The following SNX25 variants were observed in gnomAD, a reference collection of about 807,000 sequenced individuals.
SNX25 encodes the protein sorting nexin 25.
Under a neutral mutation model 113.7 loss-of-function variants are expected in SNX25, and 62 were observed. The observed-to-expected ratio is 0.55, with a 90% confidence interval of 0.44 to 0.67. The LOEUF (loss-of-function observed/expected upper bound fraction) is 0.67. Among genes scored for constraint, SNX25 ranks in the 30% least tolerant of loss-of-function variants. The pLI, the probability that SNX25 is intolerant of heterozygous loss-of-function variation, is 0.00. For synonymous variants in SNX25, 421 were observed against 436.2 expected (o/e 0.97, Z 0.43); for missense variants, 1,014 against 1,161.0 (o/e 0.87, Z 1.84).
At chr4:185,272,586 C>T (rs560238826) in intron 5 of SNX25, among the ~76,000 whole-genome samples, 3 of 151,952 alleles carry the variant, frequency 2.0e-5, no homozygotes, top group South Asian at 2.1e-4. Flanking sequence ...GAGGGGAATC[C>T]GGGCATCAGG....
At chr4:185,204,799 G>A (rs908419981), upstream of SNX25, among the ~76,000 whole-genome samples, 5 of 152,206 alleles carry the variant, frequency 3.3e-5, no homozygotes, top group African/African-American at 1.2e-4. Flanking sequence ...GAGGCAATGA[G>A]CCAAGGAGTG....
chr4:185,239,461 A>AGTG (rs1290168948), intron 1 of SNX25, among the ~76,000 whole-genome samples: 36 of 152,160 alleles, frequency 2.4e-4, no homozygotes, highest in East Asian at 1.2e-3. Flanking sequence ...CCAGCCTGGC[A>AGTG]ACAGAGTGAG....
chr4:185,261,858 T>C (rs1747382993), intron 3 of SNX25, among the ~76,000 whole-genome samples: 1 of 152,218 alleles, frequency 6.6e-6, no homozygotes, highest in Non-Finnish European at 1.5e-5. Flanking sequence ...TCCTGGATTA[T>C]GGATATTTGA....
intron 2 of SNX25, among the ~76,000 whole-genome samples, chr4:185,250,483 T>C (rs1745479175): frequency 6.6e-6 from 1 of 152,232 alleles, no homozygotes; most frequent in African/African-American, 2.4e-5. Context: ...CCCTGGCAAC[T>C]CTTAAATCTG....
At chr4:185,218,612 A>G (rs1011494467) in intron 1 of SNX25, among the ~76,000 whole-genome samples, 11 of 152,250 alleles carry the variant, frequency 7.2e-5, no homozygotes, top group Non-Finnish European at 1.6e-4. Context: ...GAGTAGCCAC[A>G]AGCTGGATGT....
At chr4:185,374,403 T>A (rs1030211514), downstream of SNX25, 1 of 1,614,054 alleles carries the variant, frequency 6.2e-7, no homozygotes, top group African/African-American at 1.3e-5. Context: ...AAATTTTAAG[T>A]GTCTTGCTTT....
At position 185,303,834 on chromosome 4, in the gene SNX25, G is replaced by A. The variant is rs75945783; in HGVS notation, c.1163-6801G>A. ...AATATACTCTCCACTGAAGTGGAGT[G>A]ACACGTTAGACTATGAAATCTCAGG... On this transcript the variant is annotated intron_variant, in intron 6 of 18. Coordinates refer to ENST00000652585, the MANE Select transcript of SNX25 (RefSeq NM_001378034.2). 8.3e-3 allele frequency among the ~76,000 whole-genome samples: 1,261 copies of A among 152,258 alleles called. 12 individuals are homozygous for A. Among genetic ancestry groups the A allele is most frequent in the African/African-American group, 0.028 (1,168 of 41,528 alleles).
chr4:185,215,919 C>G (rs1738741691), intron 1 of SNX25, among the ~76,000 whole-genome samples: 1 of 151,984 alleles, frequency 6.6e-6, no homozygotes, highest in South Asian at 2.1e-4. Flanking sequence ...ACCTCACCCT[C>G]CCGAGTAGCT....
chr4:185,286,741 C>T (rs1159996658), intron 5 of SNX25, among the ~76,000 whole-genome samples: 1 of 152,230 alleles, frequency 6.6e-6, no homozygotes, highest in Non-Finnish European at 1.5e-5. Context: ...CCGGCAGTGT[C>T]TGCCACCATC....
At chr4:185,243,456 T>G (rs1346901297) in intron 1 of SNX25, among the ~76,000 whole-genome samples, 1 of 151,928 alleles carries the variant, frequency 6.6e-6, no homozygotes, top group African/African-American at 2.4e-5. Flanking sequence ...ACAAAAAACT[T>G]AAAACATAGC....
intron 1 of SNX25, among the ~76,000 whole-genome samples, chr4:185,240,295 T>TG (rs1457217474): frequency 1.3e-5 from 2 of 151,654 alleles, no homozygotes; most frequent in African/African-American, 4.9e-5. Context: ...ACCTCCCAGA[T>TG]GGGGTGGTGG....
At chr4:185,314,856 C>CA (rs35230364) in intron 7 of SNX25, among the ~76,000 whole-genome samples, 4,495 of 96,258 alleles carry the variant, frequency 0.047, 190 homozygotes, top group African/African-American at 0.13. Context: ...GACTCTGTCT[C>CA]AAAAAAAAAA....
rs1021857542 is a variant in SNX25, at chr4:185,347,663, G to T, written c.2301+1013G>T. ...TTTTTGTATTTTTAGTAGAGACGGG[G>T]TTTCTCCGTGTTGGTCAGGTTGGTC... On this transcript the variant is annotated intron_variant, in intron 13 of 18. Coordinates refer to ENST00000652585, the MANE Select transcript of SNX25 (RefSeq NM_001378034.2). Among the ~76,000 whole-genome samples, 9 of 152,022 alleles carry T rather than the reference G, an allele frequency of 5.9e-5. 1 individual carries two copies. The highest frequency in any genetic ancestry group is 1.2e-4 in the Non-Finnish European group (8 of 68,012).
intron 6 of SNX25, among the ~76,000 whole-genome samples, chr4:185,292,073 A>G (rs748068891): frequency 2.0e-5 from 3 of 152,142 alleles, no homozygotes; most frequent in African/African-American, 4.8e-5. Context: ...TGGTATCACT[A>G]TTTAGCTTTT....
chr4:185,312,234 AAAAT>A (rs2095036678), intron 7 of SNX25, among the ~76,000 whole-genome samples: 1 of 152,174 alleles, frequency 6.6e-6, no homozygotes, highest in African/African-American at 2.4e-5. Flanking sequence ...ACTAGGATTA[AAAAT>A]AAATAAGATA....
intron 10 of SNX25, among the ~76,000 whole-genome samples, chr4:185,338,770 C>T (rs746075393): frequency 6.6e-6 from 1 of 152,112 alleles, no homozygotes; most frequent in Non-Finnish European, 1.5e-5. Flanking sequence ...GTCTCGACAC[C>T]CTTGTTGAAA....
chr4:185,341,484 A>G (rs1366650652), intron 11 of SNX25, among the ~76,000 whole-genome samples: 2 of 152,188 alleles, frequency 1.3e-5, no homozygotes, highest in African/African-American at 2.4e-5. Context: ...AGCAACACCC[A>G]TTTATTGGTC....
chr4:185,303,796 C>T (rs935418826), intron 6 of SNX25, among the ~76,000 whole-genome samples: 2 of 151,886 alleles, frequency 1.3e-5, no homozygotes, highest in Non-Finnish European at 2.9e-5. Context: ...TGTACGATTT[C>T]TGCTATTCCT....
chr4:185,374,268 C>G (rs2126796812), downstream of SNX25: 1 of 1,614,080 alleles, frequency 6.2e-7, no homozygotes, highest in Non-Finnish European at 8.5e-7. Context: ...GCATGTTATT[C>G]TCGGTTTCAG....
Sources: allele counts gnomAD v4.1 joint callset (sites outside exome capture counted in the v4.1 genomes callset), GRCh38; gene constraint gnomAD v4.1.1; transcripts MANE v1.5; gene names NCBI Gene and HGNC (gene_info 2026-07-23, HGNC 2026-07-21).